IL1RAPL1: variants seen among roughly 807,000 people sequenced by gnomAD.
The protein encoded by IL1RAPL1 is interleukin 1 receptor accessory protein like 1.
A neutral mutation model predicts 48.4 loss-of-function variants in IL1RAPL1; 3 were observed. The ratio of observed to expected loss-of-function variants is 0.06; its 90% confidence interval spans 0.03 to 0.16. IL1RAPL1 has a LOEUF of 0.16. Among genes scored for constraint, IL1RAPL1 ranks in the 10% least tolerant of loss-of-function variants. The pLI is 1.00. For synonymous variants in IL1RAPL1, 185 were observed against 187.7 expected (o/e 0.99, Z 0.12); for missense variants, 349 against 530.6 (o/e 0.66, Z 3.36).
chrX:28,895,568 A>G (rs191180640), intron 2 of IL1RAPL1, among the ~76,000 whole-genome samples: 1 of 110,517 alleles, frequency 9.0e-6, no homozygotes, highest in African/African-American at 3.3e-5. Context: ...GAAGCAGATA[A>G]TAAGGGAACT....
chrX:28,949,121 G>C (rs1924382464), intron 2 of IL1RAPL1, among the ~76,000 whole-genome samples: 2 of 110,122 alleles, frequency 1.8e-5, no homozygotes, highest in Admixed American at 9.8e-5. Context: ...CTTTAGGTTA[G>C]GAATGAACAC....
chrX:29,379,081 A>C (rs1933660337), intron 3 of IL1RAPL1, among the ~76,000 whole-genome samples: 1 of 112,107 alleles, frequency 8.9e-6, no homozygotes, highest in African/African-American at 3.2e-5. Context: ...CGAACTGTGC[A>C]CCACAGCCTT....
chrX:29,107,178 C>T (rs1409188258), intron 2 of IL1RAPL1, among the ~76,000 whole-genome samples: 1 of 111,904 alleles, frequency 8.9e-6, no homozygotes, highest in African/African-American at 3.2e-5. Context: ...GAAATACTTA[C>T]GAAGAAGTTA....
At chrX:29,575,156 C>G (rs1922734329) in intron 5 of IL1RAPL1, among the ~76,000 whole-genome samples, 1 of 111,854 alleles carries the variant, frequency 8.9e-6, no homozygotes, top group African/African-American at 3.3e-5. Context: ...TTTCAGGTAT[C>G]TTTATAGCAA....
chrX:29,660,988 G>A (rs1257661170), intron 5 of IL1RAPL1, among the ~76,000 whole-genome samples: 5 of 111,847 alleles, frequency 4.5e-5, no homozygotes, highest in African/African-American at 1.6e-4. Flanking sequence ...CTTTTCATTT[G>A]TGTACATCCT....
Position 29,169,484 on chromosome X carries a change from C to T in IL1RAPL1, c.83-113454C>T, listed in dbSNP as rs957222840. Among the ~76,000 whole-genome samples, 15 of 109,680 alleles carry T rather than the reference C, an allele frequency of 1.4e-4. No homozygotes were observed. In the Admixed American group the frequency reaches 1.4e-3, roughly 10 times the overall value. The stretch of plus-strand genomic sequence containing the variant: ...AAGACTTCCTTAAGTACAATTATAG[C>T]CAAAATCTCATATGAAAAAAATGAC... On this transcript the variant is annotated intron_variant, in intron 2 of 10. Transcript: ENST00000378993.
At chrX:28,773,946 C>T (rs986859428) in intron 1 of IL1RAPL1, among the ~76,000 whole-genome samples, 10 of 112,118 alleles carry the variant, frequency 8.9e-5, no homozygotes, top group African/African-American at 3.2e-4. Context: ...TACTAATGAA[C>T]GTTGTTTACC....
intron 6 of IL1RAPL1, among the ~76,000 whole-genome samples, chrX:29,863,251 G>C (rs1411730828): frequency 1.8e-5 from 2 of 112,117 alleles, no homozygotes; most frequent in African/African-American, 6.5e-5. Context: ...CAATAATAAT[G>C]ATGATGGAAT....
intron 2 of IL1RAPL1, among the ~76,000 whole-genome samples, chrX:28,895,020 G>C (rs1011220088): frequency 2.7e-5 from 3 of 111,087 alleles, no homozygotes; most frequent in Non-Finnish European, 5.7e-5. Context: ...TGCTGAGCCT[G>C]ATGGGTGTCA....
chrX:28,628,488 A>C lies in IL1RAPL1; in HGVS notation c.-25+40441A>C, dbSNP rs149074471. 2.6e-4 allele frequency among the ~76,000 whole-genome samples: 29 copies of C among 112,330 alleles called. No individual in the cohort carries two copies. In the East Asian group the frequency reaches 7.3e-3, roughly 28 times the overall value. Reference sequence around the variant, plus strand: ...GAGCAGCTGTTTTGATATACAGGAAATATTGATCCATCATACTCTGAAGAA... The same window carrying C: ...GAGCAGCTGTTTTGATATACAGGAACTATTGATCCATCATACTCTGAAGAA... On this transcript the variant is annotated intron_variant, in intron 1 of 10. Transcript: ENST00000378993.
At chrX:29,789,232 C>T (rs1929574401) in intron 6 of IL1RAPL1, among the ~76,000 whole-genome samples, 1 of 112,051 alleles carries the variant, frequency 8.9e-6, no homozygotes, top group African/African-American at 3.2e-5. Flanking sequence ...AATACATTCA[C>T]ATGAGATTTA....
chrX:28,965,044 C>T (rs1026984405), intron 2 of IL1RAPL1, among the ~76,000 whole-genome samples: 2 of 111,392 alleles, frequency 1.8e-5, no homozygotes, highest in African/African-American at 6.5e-5. Flanking sequence ...CACACATAGA[C>T]ACAAAGCTCA....
intron 5 of IL1RAPL1, among the ~76,000 whole-genome samples, chrX:29,620,039 T>G (rs1924414068): frequency 9.0e-6 from 1 of 111,654 alleles, no homozygotes; most frequent in African/African-American, 3.2e-5. Context: ...TGGTGGAAGT[T>G]TTGAAACCCT....
At chrX:29,911,293 G>A (rs1601879134) in intron 6 of IL1RAPL1, among the ~76,000 whole-genome samples, 2 of 111,904 alleles carry the variant, frequency 1.8e-5, no homozygotes, top group African/African-American at 3.2e-5. Flanking sequence ...CATAGAGACA[G>A]AAAGTAGAAG....
At chrX:29,529,086 A>G (rs1569331782) in intron 5 of IL1RAPL1, among the ~76,000 whole-genome samples, 1 of 111,127 alleles carries the variant, frequency 9.0e-6, no homozygotes. Flanking sequence ...ATCGAGGTAC[A>G]TTTTATAATA....
At chrX:29,150,650 G>A (rs774977964) in intron 2 of IL1RAPL1, among the ~76,000 whole-genome samples, 9 of 109,583 alleles carry the variant, frequency 8.2e-5, no homozygotes, top group East Asian at 5.8e-4. Flanking sequence ...AAGGCTGGGC[G>A]CGGTGGCTCA....
At chrX:29,459,085 A>G (rs1934773779) in intron 5 of IL1RAPL1, among the ~76,000 whole-genome samples, 1 of 111,967 alleles carries the variant, frequency 8.9e-6, no homozygotes, top group Non-Finnish European at 1.9e-5. Context: ...TATCTAGACA[A>G]CATAAAGGTT....
At chrX:28,905,475 A>G (rs981073260) in intron 2 of IL1RAPL1, among the ~76,000 whole-genome samples, 1 of 111,864 alleles carries the variant, frequency 8.9e-6, no homozygotes, top group Admixed American at 9.5e-5. Flanking sequence ...GTAAATATAT[A>G]GAGAAGAAAA....
At chrX:29,320,247 C>G (rs1932794708) in intron 3 of IL1RAPL1, among the ~76,000 whole-genome samples, 1 of 111,668 alleles carries the variant, frequency 9.0e-6, no homozygotes, top group South Asian at 3.7e-4. Context: ...TGCATATGTA[C>G]ATTTTTATGG....
Sources: gnomAD v4.1 joint callset for allele counts (sites outside exome capture counted in the v4.1 genomes callset) on GRCh38, gnomAD v4.1.1 for gene constraint, MANE v1.5 for transcripts, NCBI Gene and HGNC (gene_info 2026-07-23, HGNC 2026-07-21) for gene names.